The following PRKN variants were observed in gnomAD, a reference collection of about 807,000 sequenced individuals.
The protein encoded by PRKN is parkin RBR E3 ubiquitin protein ligase.
A neutral mutation model predicts 59.5 loss-of-function variants in PRKN; 56 were observed. The ratio of observed to expected loss-of-function variants is 0.94; its 90% CI spans 0.76 to 1.18. The LOEUF is 1.18. Among genes scored for constraint, PRKN ranks in the 50% most tolerant of loss-of-function variants. The probability of loss-of-function intolerance (pLI) is 0.00; values close to 1 mark genes in which losing one functional copy is unlikely to be tolerated. For missense variants in PRKN, 657 were observed against 596.4 expected, an observed-to-expected ratio of 1.10 and a Z score of -1.06; for synonymous variants, 250 against 222.1, an observed-to-expected ratio of 1.13 and a Z score of -1.12.
At chr6:162,041,895 A>G (rs1381448255) in intron 5 of PRKN, among the ~76,000 whole-genome samples, 1 of 152,114 alleles carries the variant, frequency 6.6e-6, no homozygotes, top group South Asian at 2.1e-4. Context: ...TGTGGCTGAC[A>G]TATCCTATCC....
At chr6:162,027,615 G>A (rs1783484751) in intron 5 of PRKN, among the ~76,000 whole-genome samples, 1 of 152,140 alleles carries the variant, frequency 6.6e-6, no homozygotes, top group African/African-American at 2.4e-5. Context: ...ACTATGCCAG[G>A]TGAAGTTAAC....
chr6:162,588,296 C>A (rs1562413038), intron 1 of PRKN, among the ~76,000 whole-genome samples: 1 of 151,390 alleles, frequency 6.6e-6, no homozygotes, highest in South Asian at 2.1e-4. Context: ...GAGGTGTGCA[C>A]CGCGGCGCCC....
At chr6:162,032,863 G>A (rs1437489021) in intron 5 of PRKN, among the ~76,000 whole-genome samples, 2 of 152,114 alleles carry the variant, frequency 1.3e-5, no homozygotes. Context: ...GCTCCCACAT[G>A]CAATCCAACG....
chr6:161,477,292 C>T (rs1169629079), intron 9 of PRKN, among the ~76,000 whole-genome samples: 2 of 152,018 alleles, frequency 1.3e-5, no homozygotes, highest in African/African-American at 4.8e-5. Flanking sequence ...CCCAGGCGGG[C>T]GGATCACCTG....
At chr6:162,440,019 C>A (rs957411692) in intron 2 of PRKN, among the ~76,000 whole-genome samples, 1 of 152,074 alleles carries the variant, frequency 6.6e-6, no homozygotes, top group Non-Finnish European at 1.5e-5. Context: ...AATGTCTAGG[C>A]TTTTTAGTGT....
intron 1 of PRKN, among the ~76,000 whole-genome samples, chr6:162,620,118 T>TATA (rs1476428665): frequency 6.6e-6 from 1 of 152,200 alleles, no homozygotes; most frequent in African/African-American, 2.4e-5. Flanking sequence ...TGAGGGATGT[T>TATA]ATACCCATTC....
intron 1 of PRKN, among the ~76,000 whole-genome samples, chr6:162,466,065 A>G (rs562857509): frequency 6.6e-6 from 1 of 152,306 alleles, no homozygotes; most frequent in South Asian, 2.1e-4. Context: ...TTGCAGATAT[A>G]TATTTTTATG....
At position 161,377,357 on chromosome 6, in the gene PRKN, G is replaced by C. The variant is rs1471844025; in HGVS notation, c.1167+9437C>G. On this transcript the variant is annotated intron_variant, in intron 10 of 11. Coordinates refer to ENST00000366898, the MANE Select transcript of PRKN (RefSeq NM_004562.3). This position sits in a 1 kb window ranked among gnomAD's most constrained non-coding sequence, Gnocchi z 4.2. ...CTCAGACCCCCGTGCCATCCACACC[G>C]TGGCATGACTGCCTCTCCTTGGGCT... Among the ~76,000 whole-genome samples, 1 of 152,254 alleles carries C rather than the reference G, an allele frequency of 6.6e-6. No homozygotes were observed. The highest frequency in any genetic ancestry group is 1.5e-5 in the Non-Finnish European group (1 of 68,034).
chr6:162,716,763 C>T lies in PRKN; in HGVS notation c.7+10899G>A, dbSNP rs571348500. ...TCCATACACCCTACCCGCCTGCGCG[C>T]GCGCGCACGCACACACACACGCGCA... is the stretch of plus-strand genomic sequence containing the variant. On this transcript the variant is annotated intron_variant, in intron 1 of 11. Coordinates refer to ENST00000366898, the MANE Select transcript of PRKN (RefSeq NM_004562.3). 3.3e-4 allele frequency among the ~76,000 whole-genome samples: 47 copies of T among 143,452 alleles called. 1 individual carries two copies. Among genetic ancestry groups the T allele is most frequent in the African/African-American group, 1.0e-3 (36 of 35,974 alleles). 94.1% of individuals were successfully genotyped at this position (143,452 alleles called of 152,430 possible).
intron 4 of PRKN, among the ~76,000 whole-genome samples, chr6:162,174,340 C>T (rs1350409143): frequency 6.6e-6 from 1 of 152,152 alleles, no homozygotes; most frequent in African/African-American, 2.4e-5. Flanking sequence ...TGCCCACACG[C>T]TAAATAAAAG....
intron 6 of PRKN, among the ~76,000 whole-genome samples, chr6:161,958,314 C>T (rs1001349748): frequency 6.6e-6 from 1 of 152,026 alleles, no homozygotes; most frequent in Non-Finnish European, 1.5e-5. Flanking sequence ...TCTTCTTATG[C>T]CTGGGAAACC....
At chr6:161,744,449 A>G (rs12199657) in intron 7 of PRKN, among the ~76,000 whole-genome samples, 4,148 of 152,236 alleles carry the variant, frequency 0.027, 61 homozygotes, top group Non-Finnish European at 0.034. Context: ...TTGCTATGGG[A>G]GATGTGTGCC....
At chr6:162,221,003 G>C (rs750652644) in intron 3 of PRKN, among the ~76,000 whole-genome samples, 49 of 152,298 alleles carry the variant, frequency 3.2e-4, no homozygotes, top group Middle Eastern at 3.4e-3. Context: ...TTTTCAAAGA[G>C]TTAGATGAGT....
chr6:162,469,355 G>C (rs929760115), intron 1 of PRKN, among the ~76,000 whole-genome samples: 9 of 141,116 alleles, frequency 6.4e-5, no homozygotes, highest in Non-Finnish European at 1.2e-4. Flanking sequence ...GTTGCAGGGG[G>C]GGGTGGGTGA....
intron 7 of PRKN, among the ~76,000 whole-genome samples, chr6:161,577,401 C>A (rs1166821377): frequency 6.6e-6 from 1 of 152,186 alleles, no homozygotes; most frequent in Non-Finnish European, 1.5e-5. Flanking sequence ...TAAAGTACAT[C>A]TAAAAATAAC....
intron 1 of PRKN, among the ~76,000 whole-genome samples, chr6:162,507,667 T>C (rs2128189547): frequency 6.6e-6 from 1 of 152,352 alleles, no homozygotes; most frequent in African/African-American, 2.4e-5. Flanking sequence ...TGAAAGCCTA[T>C]ACTCTACTTT....
At position 161,385,360 on chromosome 6, in the gene PRKN, T is replaced by C. The variant is rs1320526005; in HGVS notation, c.1167+1434A>G. Among the ~76,000 whole-genome samples the C allele has an allele frequency of 3.3e-5, 5 of 152,232 alleles. No homozygotes were observed. Among genetic ancestry groups the C allele is most frequent in the Non-Finnish European group, 7.3e-5 (5 of 68,044 alleles). On this transcript the variant is annotated intron_variant, in intron 10 of 11. Coordinates refer to ENST00000366898, the MANE Select transcript of PRKN (RefSeq NM_004562.3). This position sits in a 1 kb window ranked among gnomAD's most constrained non-coding sequence, Gnocchi z 4.9. ...CCCCCGATGCTGGACATCTATGGTT[T>C]AGGTCATCTCTAACTTTCTTTTTCC...
At chr6:161,736,447 C>T (rs7770726) in intron 7 of PRKN, among the ~76,000 whole-genome samples, 14,660 of 152,230 alleles carry the variant, frequency 0.096, 1,568 homozygotes, top group East Asian at 0.41. Context: ...AGTGGCTAAT[C>T]GGTTGTGGAA....
At chr6:162,364,977 C>CT (rs200901620) in intron 2 of PRKN, among the ~76,000 whole-genome samples, 1,925 of 138,044 alleles carry the variant, frequency 0.014, 37 homozygotes, top group African/African-American at 0.042. Flanking sequence ...CTCTCTCTCT[C>CT]TCTTTTTTTT....
Sources: gnomAD v4.1 joint callset for allele counts (sites outside exome capture counted in the v4.1 genomes callset) on GRCh38, gnomAD v4.1.1 for gene constraint, Gnocchi (gnomAD v3.1) non-coding constraint, MANE v1.5 for transcripts, NCBI Gene and HGNC (gene_info 2026-07-23, HGNC 2026-07-21) for gene names.